Variants in RGS7 observed in about 807,000 individuals in gnomAD.
RGS7 encodes the protein regulator of G protein signaling 7, also known as regulator of G-protein signaling 7.
RGS7 carries 27 observed loss-of-function variants against 81.1 expected under a neutral mutation model. The ratio of observed to expected loss-of-function variants is 0.33; its 90% confidence interval spans 0.25 to 0.46. The LOEUF (loss-of-function observed/expected upper bound fraction) is 0.46, where lower values mean the gene tolerates loss of function less well. Among genes scored for constraint, RGS7 ranks in the 20% least tolerant of loss-of-function variants. RGS7 has a pLI of 1.00. For synonymous variants in RGS7, 208 were observed against 207.7 expected, an observed-to-expected ratio of 1.00 and a Z score of -0.01; for missense variants, 396 against 607.4, an observed-to-expected ratio of 0.65 and a Z score of 3.66.
At chr1:240,855,231 C>A (rs893217222) in intron 9 of RGS7, among the ~76,000 whole-genome samples, 1 of 144,180 alleles carries the variant, frequency 6.9e-6, no homozygotes, top group Non-Finnish European at 1.5e-5. Context: ...TTTATTCACT[C>A]GTTTATTTAA....
Position 240,806,282 on chromosome 1 carries a change from T to C in RGS7, c.1127A>G (p.Glu376Gly). The C allele has an allele frequency of 1.2e-6, 2 of 1,614,046 alleles. No homozygotes were observed. The highest frequency in any genetic ancestry group is 1.7e-6 in the Non-Finnish European group (2 of 1,179,974). The change falls in exon 15 of 19, where the codon GAA (glutamate) becomes GGA (glycine). Residue 376 changes from glutamate to glycine, a missense_variant. Physicochemically the swap from Glu to Gly is moderately conservative, Grantham distance 98. Transcript: ENST00000440928. ...VEDLKKRPIK[E>G]VPSRVQEIWQ... is the part of the protein sequence containing the mutation. ...TATTTCCTGAACTCTTGAGGGTACT[T>C]CTTTAATAGGCCTCTTTTTCAGGTC... is the stretch of plus-strand genomic sequence containing the variant.
At chr1:241,265,483 G>A (rs114955536) in intron 2 of RGS7, among the ~76,000 whole-genome samples, 2,722 of 152,296 alleles carry the variant, frequency 0.018, 85 homozygotes, top group African/African-American at 0.061. Flanking sequence ...AGCCACAGGA[G>A]GTGTAGGTAG....
intron 2 of RGS7, among the ~76,000 whole-genome samples, chr1:241,234,125 G>A (rs1008726761): frequency 5.9e-5 from 9 of 152,050 alleles, no homozygotes; most frequent in Admixed American, 2.6e-4. Flanking sequence ...CTTGCGCTAC[G>A]CTGCATACAC....
chr1:241,282,862 T>C (rs1474351415), intron 2 of RGS7, among the ~76,000 whole-genome samples: 1 of 152,220 alleles, frequency 6.6e-6, no homozygotes, highest in Non-Finnish European at 1.5e-5. Context: ...ACAACTCCTT[T>C]GTTTCCTTTA....
chr1:241,131,768 A>C (rs563694635), intron 2 of RGS7, among the ~76,000 whole-genome samples: 1 of 151,726 alleles, frequency 6.6e-6, no homozygotes, highest in Admixed American at 6.6e-5. Context: ...ATAATAGCTG[A>C]TGTTACTTCA....
chr1:241,240,172 T>C (rs1335855880), intron 2 of RGS7, among the ~76,000 whole-genome samples: 2 of 152,066 alleles, frequency 1.3e-5, no homozygotes. Context: ...GAAACCAAAG[T>C]GTTTTAGAAG....
intron 2 of RGS7, among the ~76,000 whole-genome samples, chr1:241,101,568 A>C (rs1165996589): frequency 2.0e-5 from 3 of 152,188 alleles, no homozygotes; most frequent in Non-Finnish European, 4.4e-5. Flanking sequence ...AAAAGACCCC[A>C]ACAATAACCA....
In RGS7 at chr1:240,945,247, C is replaced by T. The variant is rs60700776; in HGVS notation, c.227-8541G>A. ...ACTCTAACACGAAAGAGAAAAATAG[C>T]CCAATACGAAATATAAAAGCTGATT... On this transcript the variant is annotated intron_variant, in intron 4 of 18. Transcript: ENST00000440928. Among the ~76,000 whole-genome samples the T allele has an allele frequency of 5.0e-3, 760 of 152,286 alleles. 8 individuals carry two copies. Among genetic ancestry groups the T allele is most frequent in the African/African-American group, 0.018 (741 of 41,546 alleles).
At chr1:241,303,791 TG>T (rs760592157) in intron 2 of RGS7, among the ~76,000 whole-genome samples, 3 of 152,216 alleles carry the variant, frequency 2.0e-5, no homozygotes, top group Admixed American at 2.0e-4. Context: ...AATTGCTAAT[TG>T]TATGCCTATG....
Position 240,868,630 on chromosome 1 carries a change from A to G in RGS7, c.566T>C (p.Leu189Pro). Residue 189 changes from leucine to proline, a missense_variant, in exon 9 of 19, where the codon CTT (leucine) becomes CCT (proline). Physicochemically the swap from Leu to Pro is moderately conservative, Grantham distance 98. Transcript: ENST00000440928. The surrounding 1 kb of genome is among the most constrained non-coding windows in gnomAD (Gnocchi z 5.1). ...KKRDKIERKI[L>P]DSQERAFWDV... Reference sequence around the variant, plus strand: ...CCAGAACGCTCTCTCTTGGCTGTCAAGGATCTTCCTTTCAATCTTGTCTCT... The same window carrying G: ...CCAGAACGCTCTCTCTTGGCTGTCAGGGATCTTCCTTTCAATCTTGTCTCT... The G allele has an allele frequency of 6.2e-7, 1 of 1,614,148 alleles. No homozygotes were observed. The highest frequency in any genetic ancestry group is 8.5e-7 in the Non-Finnish European group (1 of 1,180,032).
At chr1:240,936,964 C>A (rs942864056) in intron 4 of RGS7, among the ~76,000 whole-genome samples, 2 of 152,190 alleles carry the variant, frequency 1.3e-5, no homozygotes, top group Admixed American at 6.5e-5. Context: ...AACAGTCCTC[C>A]TTTACTCCTG....
At chr1:241,062,074 G>A (rs527253657) in intron 3 of RGS7, among the ~76,000 whole-genome samples, 23 of 152,238 alleles carry the variant, frequency 1.5e-4, no homozygotes, top group African/African-American at 4.3e-4. Flanking sequence ...TGGCATCATC[G>A]CCAACTTTCA....
chr1:240,812,842 A>T (rs963864719), intron 13 of RGS7, among the ~76,000 whole-genome samples: 2 of 152,216 alleles, frequency 1.3e-5, no homozygotes, highest in South Asian at 4.1e-4. Context: ...TCTGGTGTCA[A>T]TTAAATCTGT....
chr1:241,205,680 C>T (rs1314320038), intron 2 of RGS7, among the ~76,000 whole-genome samples: 2 of 151,892 alleles, frequency 1.3e-5, no homozygotes, highest in African/African-American at 2.4e-5. Context: ...AGTCCAGTCT[C>T]GAACTCTAGA....
At chr1:241,093,803 T>C (rs528666354) in intron 3 of RGS7, among the ~76,000 whole-genome samples, 1 of 152,132 alleles carries the variant, frequency 6.6e-6, no homozygotes, top group Admixed American at 6.6e-5. Flanking sequence ...TCCCAAATAT[T>C]CTCCTTTTAT....
intron 2 of RGS7, among the ~76,000 whole-genome samples, chr1:241,229,292 G>C (rs532803982): frequency 1.2e-4 from 18 of 152,184 alleles, no homozygotes; most frequent in Admixed American, 2.0e-4. Flanking sequence ...GCACTTTGCA[G>C]CTAGAACACC....
intron 4 of RGS7, among the ~76,000 whole-genome samples, chr1:240,940,255 A>G (rs1163609053): frequency 1.3e-5 from 2 of 152,180 alleles, no homozygotes; most frequent in Non-Finnish European, 2.9e-5. Context: ...TTGTCTAAAA[A>G]GTATAGAAGT....
chr1:241,104,959 C>G (rs1317123745), intron 2 of RGS7, among the ~76,000 whole-genome samples: 1 of 152,116 alleles, frequency 6.6e-6, no homozygotes, highest in African/African-American at 2.4e-5. Context: ...AGCCTCAAAA[C>G]AAAAGTGGAA....
At chr1:240,799,253 T>TTG (rs143900617) in intron 18 of RGS7, among the ~76,000 whole-genome samples, 6,294 of 59,186 alleles carry the variant, frequency 0.11, 386 homozygotes, top group African/African-American at 0.18. Flanking sequence ...TTATTATGGT[T>TTG]TGTGTGTGTG....
Sources: gnomAD v4.1 joint callset for allele counts (sites outside exome capture counted in the v4.1 genomes callset) on GRCh38, gnomAD v4.1.1 for gene constraint, Gnocchi (gnomAD v3.1) non-coding constraint, MANE v1.5 for transcripts, NCBI Gene and HGNC (gene_info 2026-07-23, HGNC 2026-07-21) for gene names.